MSH4: variants seen among roughly 807,000 people sequenced by gnomAD.
The protein encoded by MSH4 is mutS homolog 4.
A neutral mutation model predicts 113.7 loss-of-function variants in MSH4; 106 were observed. That is an observed-to-expected ratio of 0.93 (90% confidence interval 0.80 to 1.10). The LOEUF (loss-of-function observed/expected upper bound fraction) is 1.10, where lower values mean the gene tolerates loss of function less well. Ranked by LOEUF, MSH4 falls within the 50% of genes least tolerant of loss-of-function variation. The pLI, the probability that MSH4 is intolerant of heterozygous loss-of-function variation, is 0.00. For synonymous variants in MSH4, 368 were observed against 380.2 expected, an observed-to-expected ratio of 0.97 and a Z score of 0.37; for missense variants, 1,061 against 1,093.7, an observed-to-expected ratio of 0.97 and a Z score of 0.42.
intron 2 of MSH4, among the ~76,000 whole-genome samples, chr1:75,804,569 G>A (rs987117326): frequency 2.0e-5 from 3 of 148,984 alleles, no homozygotes; most frequent in African/African-American, 7.5e-5. Flanking sequence ...GGAATGCAGT[G>A]GTGTGATCTC....
At chr1:75,808,004 CTG>C (rs1650105390) in intron 3 of MSH4, among the ~76,000 whole-genome samples, 1 of 152,172 alleles carries the variant, frequency 6.6e-6, no homozygotes, top group South Asian at 2.1e-4. Context: ...ACAACATTGA[CTG>C]TGTGTAAGCA....
intron 3 of MSH4, among the ~76,000 whole-genome samples, chr1:75,809,140 G>C (rs1298912712): frequency 2.6e-5 from 4 of 152,086 alleles, no homozygotes; most frequent in Non-Finnish European, 5.9e-5. Context: ...AGACTCGAGT[G>C]ATCCTGCCCC....
chr1:75,859,292 T>C (rs1344232994), intron 8 of MSH4, among the ~76,000 whole-genome samples: 2 of 152,200 alleles, frequency 1.3e-5, no homozygotes, highest in African/African-American at 4.8e-5. Context: ...AGTTATTTCT[T>C]ATCTTCTGCT....
At chr1:75,906,072 C>T (rs961116798) in intron 19 of MSH4, among the ~76,000 whole-genome samples, 3 of 151,824 alleles carry the variant, frequency 2.0e-5, no homozygotes, top group Non-Finnish European at 2.9e-5. Context: ...TTCACTGCAA[C>T]CTCCACCTCC....
At chr1:75,813,420 T>A (rs2100512346) in intron 4 of MSH4, among the ~76,000 whole-genome samples, 1 of 152,190 alleles carries the variant, frequency 6.6e-6, no homozygotes, top group East Asian at 1.9e-4. Flanking sequence ...GAAGTCAGAT[T>A]GTCCCGGTTT....
At chr1:75,899,220 T>C (rs1023689384) in intron 18 of MSH4, among the ~76,000 whole-genome samples, 2 of 152,188 alleles carry the variant, frequency 1.3e-5, no homozygotes, top group African/African-American at 2.4e-5. Context: ...GGTGGGTGAA[T>C]GTTTAGCTGT....
intron 16 of MSH4, 95 bp downstream of exon 16, chr1:75,889,464 A>G (rs568005900): frequency 1.3e-5 from 8 of 600,086 alleles, no homozygotes; most frequent in Admixed American, 5.9e-5. Context: ...AAATATGCAG[A>G]TGTTGCTTAT....
intron 7 of MSH4, among the ~76,000 whole-genome samples, chr1:75,826,045 G>C (rs948216999): frequency 3.9e-5 from 6 of 152,198 alleles, no homozygotes; most frequent in African/African-American, 1.4e-4. Flanking sequence ...AATGGTACCA[G>C]CTCCTCCTTG....
chr1:75,809,063 T>C (rs540230173), intron 3 of MSH4, among the ~76,000 whole-genome samples: 52 of 152,222 alleles, frequency 3.4e-4, no homozygotes, highest in African/African-American at 1.2e-3. Flanking sequence ...CACATAGAGC[T>C]GATTTTTAAA....
chr1:75,803,709 A>C, intron 1 of MSH4, 22 bp from the exon 2 acceptor site: 1 of 1,492,210 alleles, frequency 6.7e-7, no homozygotes, highest in Non-Finnish European at 9.0e-7. Context: ...TTAAGAATTG[A>C]CTGTTAATTT....
At chr1:75,856,300 T>TA (rs1294106748) in intron 8 of MSH4, among the ~76,000 whole-genome samples, 2 of 152,200 alleles carry the variant, frequency 1.3e-5, no homozygotes, top group Admixed American at 6.5e-5. Context: ...TTTCTTTTTT[T>TA]ATGTATATTT....
intron 7 of MSH4, among the ~76,000 whole-genome samples, chr1:75,839,222 T>C (rs1441450138): frequency 1.3e-5 from 2 of 152,050 alleles, no homozygotes; most frequent in African/African-American, 4.8e-5. Flanking sequence ...TCTTTTTCTT[T>C]TCTTTTTTTT....
intron 8 of MSH4, among the ~76,000 whole-genome samples, chr1:75,851,865 C>A (rs566860497): frequency 1.2e-4 from 18 of 152,244 alleles, no homozygotes; most frequent in African/African-American, 4.1e-4. Flanking sequence ...AATAAGACAG[C>A]TTTATTGAGA....
chr1:75,832,210 C>T (rs1035283051), intron 7 of MSH4, among the ~76,000 whole-genome samples: 4 of 152,136 alleles, frequency 2.6e-5, no homozygotes, highest in Non-Finnish European at 2.9e-5. Flanking sequence ...TTCCCGGAGA[C>T]ATACACCCTC....
intron 1 of MSH4, among the ~76,000 whole-genome samples, chr1:75,801,568 CAAAAAAAA>C (rs35300428): frequency 1.8e-5 from 2 of 112,776 alleles, no homozygotes; most frequent in Non-Finnish European, 3.7e-5. Flanking sequence ...AACTCCATCT[CAAAAAAAA>C]AAAAAAAAAG....
intron 19 of MSH4, among the ~76,000 whole-genome samples, chr1:75,905,325 T>A (rs923834073): frequency 2.1e-4 from 32 of 152,232 alleles, no homozygotes; most frequent in Non-Finnish European, 4.6e-4. Flanking sequence ...GGGCATGTTG[T>A]TTATTTTCCA....
chr1:75,888,893 C>CTT lies in MSH4; in HGVS notation c.2108-340_2108-339dup, dbSNP rs74683108. The stretch of plus-strand genomic sequence containing the variant: ...TAACTTTGTACAGTAGGTAGGGCAA[C>CTT]TTTTTTTTTTTTTTTTTTTGAGACG... On this transcript the variant is annotated intron_variant, in intron 15 of 19. Transcript: ENST00000263187. Among the ~76,000 whole-genome samples the CTT allele has an allele frequency of 8.4e-3, 1,110 of 132,932 alleles. 26 individuals carry two copies. Among genetic ancestry groups the CTT allele is most frequent in the East Asian group, 0.042 (188 of 4,498 alleles). The allele number at this position is 132,932 out of a possible 152,430, so 87.2% of individuals were successfully genotyped here.
intron 7 of MSH4, among the ~76,000 whole-genome samples, chr1:75,839,273 G>T (rs1470104352): frequency 6.6e-6 from 1 of 151,850 alleles, no homozygotes; most frequent in Non-Finnish European, 1.5e-5. Context: ...GGAGTGCAGT[G>T]GCACAATCTT....
intron 9 of MSH4, among the ~76,000 whole-genome samples, chr1:75,870,036 G>C (rs1426221707): frequency 6.6e-6 from 1 of 152,210 alleles, no homozygotes; most frequent in African/African-American, 2.4e-5. Context: ...AAAGGCACAA[G>C]GGTGGAGCTG....
Sources: gnomAD v4.1 joint callset for allele counts (sites outside exome capture counted in the v4.1 genomes callset) on GRCh38, gnomAD v4.1.1 for gene constraint, MANE v1.5 for transcripts, NCBI Gene and HGNC (gene_info 2026-07-23, HGNC 2026-07-21) for gene names.